CDH18: variants seen among roughly 807,000 people sequenced by gnomAD.
CDH18 encodes cadherin-18.
CDH18 carries 31 observed loss-of-function variants against 67.9 expected under a neutral mutation model. The observed-to-expected ratio is 0.46, with a 90% CI of 0.34 to 0.62. CDH18 has a LOEUF of 0.62. Among genes scored for constraint, CDH18 ranks in the 20% least tolerant of loss-of-function variants. CDH18 has a pLI of 0.01. For missense variants in CDH18, 890 were observed against 975.5 expected (o/e 0.91, Z 1.17); for synonymous variants, 362 against 347.2 (o/e 1.04, Z -0.48).
intron 3 of CDH18, among the ~76,000 whole-genome samples, chr5:19,787,066 A>G (rs1212409777): frequency 6.6e-6 from 1 of 152,174 alleles, no homozygotes; most frequent in Admixed American, 6.5e-5. Context: ...ATGCCCGCTG[A>G]GAAGGTACCT....
intron 2 of CDH18, among the ~76,000 whole-genome samples, chr5:20,231,611 A>G (rs1041775623): frequency 1.3e-5 from 2 of 151,858 alleles, no homozygotes; most frequent in Non-Finnish European, 2.9e-5. Context: ...AAAAAGAAAA[A>G]AAAAGAAAAG....
At chr5:19,708,143 A>G (rs1764201875) in intron 5 of CDH18, among the ~76,000 whole-genome samples, 1 of 152,218 alleles carries the variant, frequency 6.6e-6, no homozygotes, top group African/African-American at 2.4e-5. Flanking sequence ...ATGAAAAAGC[A>G]TCTAGAAGGA....
intron 5 of CDH18, among the ~76,000 whole-genome samples, chr5:19,666,404 G>A (rs1402433): frequency 0.034 from 5,136 of 151,448 alleles, 280 homozygotes; most frequent in African/African-American, 0.12. Context: ...CACCACACCT[G>A]GCAAATAATG....
At chr5:19,951,897 T>C (rs1795826433) in intron 2 of CDH18, among the ~76,000 whole-genome samples, 1 of 152,176 alleles carries the variant, frequency 6.6e-6, no homozygotes, top group Admixed American at 6.6e-5. Flanking sequence ...ACATTCTAAA[T>C]ACAAAATTAG....
At chr5:20,447,156 C>A (rs917423235) in intron 1 of CDH18, among the ~76,000 whole-genome samples, 4 of 152,062 alleles carry the variant, frequency 2.6e-5, no homozygotes, top group Non-Finnish European at 5.9e-5. Flanking sequence ...TAAATCCTTA[C>A]TTCCTCTCTC....
chr5:20,524,273 T>A (rs954444886), intron 1 of CDH18, among the ~76,000 whole-genome samples: 1 of 152,322 alleles, frequency 6.6e-6, no homozygotes, highest in East Asian at 1.9e-4. Context: ...TAAAATAGAT[T>A]ATAATTAGTT....
chr5:20,084,979 TA>T (rs1205155038), intron 2 of CDH18, among the ~76,000 whole-genome samples: 1 of 152,214 alleles, frequency 6.6e-6, no homozygotes, highest in Non-Finnish European at 1.5e-5. Flanking sequence ...TCTTGGGGAT[TA>T]ATGTTTGTCT....
chr5:19,573,285 T>C (rs929967373), intron 7 of CDH18, among the ~76,000 whole-genome samples: 6 of 139,298 alleles, frequency 4.3e-5, no homozygotes, highest in East Asian at 2.0e-4. Flanking sequence ...TTGCATACTC[T>C]TTTTTTTTTT....
intron 5 of CDH18, among the ~76,000 whole-genome samples, chr5:19,657,337 A>T (rs181720137): frequency 9.2e-5 from 14 of 152,266 alleles, no homozygotes; most frequent in African/African-American, 3.4e-4. Flanking sequence ...ATAAAAATAT[A>T]AAAGTTTTTC....
chr5:20,474,236 A>G (rs1752283929), intron 1 of CDH18, among the ~76,000 whole-genome samples: 1 of 152,136 alleles, frequency 6.6e-6, no homozygotes, highest in South Asian at 2.1e-4. Context: ...AGATCCCGCC[A>G]CTGCACCTTT....
intron 5 of CDH18, among the ~76,000 whole-genome samples, chr5:19,709,433 G>A (rs1764412196): frequency 6.6e-6 from 1 of 152,060 alleles, no homozygotes; most frequent in South Asian, 2.1e-4. Context: ...TGTGTTCAGT[G>A]GCAGACGCCT....
At position 20,324,654 on chromosome 5, in the gene CDH18, A is replaced by AATC. The variant is rs1257230187; in HGVS notation, c.-579-69152_-579-69150dup. ...AAAAAAACAAGGCATCATTTAGCAT[A>AATC]ATCTTTCAATTATTTGTTTCTATGG... On this transcript the variant is annotated intron_variant, in intron 1 of 14. Coordinates refer to the CDH18 transcript ENST00000507958. Among the ~76,000 whole-genome samples, 12 of 152,310 alleles carry AATC rather than the reference A, an allele frequency of 7.9e-5. No homozygotes were observed. In the East Asian group the frequency reaches 2.3e-3, roughly 29 times the overall value.
chr5:20,085,559 T>A (rs1744870736), intron 2 of CDH18, among the ~76,000 whole-genome samples: 1 of 152,184 alleles, frequency 6.6e-6, no homozygotes, highest in South Asian at 2.1e-4. Flanking sequence ...TTAGTCTGTT[T>A]TCATGCTTCT....
intron 7 of CDH18, among the ~76,000 whole-genome samples, chr5:19,572,871 A>C (rs540863102): frequency 6.6e-6 from 1 of 152,262 alleles, no homozygotes; most frequent in African/African-American, 2.4e-5. Context: ...AGGATCCTGT[A>C]AACAGAATGA....
chr5:20,297,785 C>T (rs77865479), intron 1 of CDH18, among the ~76,000 whole-genome samples: 4,487 of 152,118 alleles, frequency 0.029, 209 homozygotes, highest in African/African-American at 0.1. Context: ...CAAATGAACC[C>T]CACTCTGATG....
At chr5:19,584,093 T>G (rs1399423646) in intron 7 of CDH18, among the ~76,000 whole-genome samples, 1 of 152,184 alleles carries the variant, frequency 6.6e-6, no homozygotes, top group Non-Finnish European at 1.5e-5. Context: ...TGAGAAAGGC[T>G]GCTAAGGAGA....
chr5:20,424,139 A>C (rs966440439), intron 1 of CDH18, among the ~76,000 whole-genome samples: 2 of 150,644 alleles, frequency 1.3e-5, no homozygotes, highest in Non-Finnish European at 2.9e-5. Flanking sequence ...TAAGAGTTCT[A>C]CTAAAAGAAA....
chr5:19,491,988 T>A (rs1193027518), intron 11 of CDH18, among the ~76,000 whole-genome samples: 1 of 151,960 alleles, frequency 6.6e-6, no homozygotes, highest in Non-Finnish European at 1.5e-5. Flanking sequence ...CAAGTATCTA[T>A]GAGAATGGAA....
At chr5:20,445,559 G>A (rs1423318452) in intron 1 of CDH18, among the ~76,000 whole-genome samples, 2 of 152,176 alleles carry the variant, frequency 1.3e-5, no homozygotes, top group Non-Finnish European at 2.9e-5. Context: ...GAATACAACA[G>A]AGACAAGTGG....
Sources: gnomAD v4.1 joint callset for allele counts (sites outside exome capture counted in the v4.1 genomes callset) on GRCh38, gnomAD v4.1.1 for gene constraint, MANE v1.5 for transcripts, NCBI Gene and HGNC (gene_info 2026-07-23, HGNC 2026-07-21) for gene names.